The following PCDH17 variants were observed in gnomAD, a reference collection of about 807,000 sequenced individuals.
The protein encoded by PCDH17 is protocadherin 17, also known as protocadherin-17.
PCDH17 carries 21 observed loss-of-function variants against 67.7 expected under a neutral mutation model. The ratio of observed to expected loss-of-function variants is 0.31; its 90% CI spans 0.22 to 0.45. The LOEUF is 0.45. Ranked by LOEUF, PCDH17 falls within the 20% of genes least tolerant of loss-of-function variation. The pLI, the probability that PCDH17 is intolerant of heterozygous loss-of-function variation, is 1.00. For missense variants in PCDH17, 1,471 were observed against 1,564.8 expected (o/e 0.94, Z 1.01); for synonymous variants, 701 against 656.7 (o/e 1.07, Z -1.03).
At chr13:57,674,269 T>TA (rs1270402962) in intron 3 of PCDH17, among the ~76,000 whole-genome samples, 8 of 151,954 alleles carry the variant, frequency 5.3e-5, no homozygotes, top group East Asian at 3.9e-4. Context: ...CATATCAACA[T>TA]AAAAAAGTCC....
intron 3 of PCDH17, among the ~76,000 whole-genome samples, chr13:57,705,437 T>C (rs1417441942): frequency 5.3e-5 from 8 of 152,124 alleles, no homozygotes; most frequent in African/African-American, 1.9e-4. Context: ...ATTAAGTATC[T>C]GACTAAGAAC....
At chr13:57,694,504 G>A (rs1336428915) in intron 3 of PCDH17, among the ~76,000 whole-genome samples, 1 of 150,894 alleles carries the variant, frequency 6.6e-6, no homozygotes, top group African/African-American at 2.4e-5. Context: ...GAAAGTATTA[G>A]GGAACATTCT....
At chr13:57,673,220 T>C (rs1258349729) in intron 3 of PCDH17, among the ~76,000 whole-genome samples, 2 of 152,022 alleles carry the variant, frequency 1.3e-5, no homozygotes, top group East Asian at 2.0e-4. Flanking sequence ...TAAAACTTGT[T>C]TGTGGAGGTC....
rs1593888723 is a variant in PCDH17, at chr13:57,634,621, T to G, written c.2075T>G (p.Val692Gly). The change falls in exon 1 of 4, where the codon GTA becomes GGA. Residue 692 changes from valine (V) to glycine (G), a missense_variant. Transcript: ENST00000377918. This position sits in a 1 kb window ranked among gnomAD's most constrained non-coding sequence, Gnocchi z 7.8. ...GTGAGCGGATCCCTTCCCGAGGGGG[T>G]ACCACGGGTGAATGGCGAGCAGCAC... ...RSVSGSLPEG[V>G]PRVNGEQHHW... 1 of 1,613,052 alleles carries G rather than the reference T, an allele frequency of 6.2e-7. No individual in the cohort carries two copies. The highest frequency in any genetic ancestry group is 8.5e-7 in the Non-Finnish European group (1 of 1,179,936).
At chr13:57,667,519 A>G (rs896185493) in intron 3 of PCDH17, among the ~76,000 whole-genome samples, 6 of 152,048 alleles carry the variant, frequency 3.9e-5, no homozygotes, top group African/African-American at 1.4e-4. Flanking sequence ...AGTAAATTAA[A>G]TTACTCTTAT....
intron 3 of PCDH17, among the ~76,000 whole-genome samples, chr13:57,688,461 T>C (rs1364006649): frequency 6.6e-6 from 1 of 152,058 alleles, no homozygotes; most frequent in African/African-American, 2.4e-5. Context: ...AAAAATTTTA[T>C]TAGAAAAAAA....
At chr13:57,714,076 T>C (rs1055016746) in intron 3 of PCDH17, among the ~76,000 whole-genome samples, 6 of 151,598 alleles carry the variant, frequency 4.0e-5, no homozygotes, top group Non-Finnish European at 7.4e-5. Context: ...ATTAAAATAT[T>C]AAAAACATTC....
At chr13:57,712,540 C>A (rs1955785779) in intron 3 of PCDH17, among the ~76,000 whole-genome samples, 1 of 151,386 alleles carries the variant, frequency 6.6e-6, no homozygotes, top group African/African-American at 2.4e-5. Flanking sequence ...TTTATTTTGG[C>A]TAGATTATGA....
At chr13:57,716,069 G>A (rs957025286) in intron 3 of PCDH17, among the ~76,000 whole-genome samples, 2 of 151,858 alleles carry the variant, frequency 1.3e-5, no homozygotes, top group Non-Finnish European at 1.5e-5. Flanking sequence ...AATCATTCAG[G>A]TCTTGTTGTG....
At chr13:57,706,498 C>T (rs1399763992) in intron 3 of PCDH17, among the ~76,000 whole-genome samples, 1 of 152,102 alleles carries the variant, frequency 6.6e-6, no homozygotes, top group Non-Finnish European at 1.5e-5. Flanking sequence ...TAACAAAGTA[C>T]CACTAACTGG....
intron 3 of PCDH17, among the ~76,000 whole-genome samples, chr13:57,708,365 T>A (rs1257553365): frequency 2.0e-5 from 3 of 152,006 alleles, no homozygotes; most frequent in Non-Finnish European, 2.9e-5. Context: ...TTTTAATATA[T>A]ATTTGGCAAG....
Position 57,634,690 on chromosome 13 carries a change from T to C in PCDH17, c.2144T>C (p.Ile715Thr), listed in dbSNP as rs1210552974. The change falls in exon 1 of 4, where the codon ATC becomes ACC. Residue 715 changes from isoleucine (I) to threonine (T), a missense_variant. Ile to Thr is a moderately conservative substitution (Grantham distance 89). Coordinates refer to ENST00000377918, the MANE Select transcript of PCDH17 (RefSeq NM_001040429.3). The surrounding 1 kb of genome is among the most constrained non-coding windows in gnomAD (Gnocchi z 7.8). ...CCGCTCATCGTGACTCTGAGCACTA[T>C]CTCCATCATCCTCCTAGCGGCCATG... The part of the protein sequence containing the change: ...SLPLIVTLST[I>T]SIILLAAMIT... 4 of 1,613,642 alleles carry C rather than the reference T, an allele frequency of 2.5e-6. No homozygotes were observed. Among genetic ancestry groups the C allele is most frequent in the Non-Finnish European group, 3.4e-6 (4 of 1,179,990 alleles).
At position 57,724,949 on chromosome 13, in the gene PCDH17, G is replaced by A; in HGVS notation, c.3135G>A (p.Glu1045=). 1 of 1,614,154 alleles carries A rather than the reference G, an allele frequency of 6.2e-7. No individual in the cohort carries two copies. The highest frequency in any genetic ancestry group is 8.5e-7 in the Non-Finnish European group (1 of 1,180,022). The change falls in exon 4 of 4, where the codon GAG becomes GAA. Residue 1045 remains glutamate (E), a synonymous_variant. Transcript: ENST00000377918. ...ASSSPTKACI[E]PCTSTKGSLD... is the part of the protein sequence containing the mutation. ...GCAGCCCAACCAAGGCGTGCATCGA[G>A]CCTTGCACCTCAACAAAAGGCTCCC...
upstream of PCDH17, among the ~76,000 whole-genome samples, chr13:57,630,771 C>T (rs1368448507): frequency 6.6e-6 from 1 of 152,118 alleles, no homozygotes; most frequent in African/African-American, 2.4e-5. Flanking sequence ...TCAGAGAAAG[C>T]GTTAGGAAGA....
At chr13:57,715,051 G>A (rs1164131251) in intron 3 of PCDH17, among the ~76,000 whole-genome samples, 1 of 151,718 alleles carries the variant, frequency 6.6e-6, no homozygotes, top group African/African-American at 2.4e-5. Context: ...CTCCAAGTTC[G>A]AGTAGAATAT....
At chr13:57,666,077 T>C (rs755085969) in intron 1 of PCDH17, among the ~76,000 whole-genome samples, 15 of 152,168 alleles carry the variant, frequency 9.9e-5, no homozygotes, top group Non-Finnish European at 2.1e-4. Context: ...GTAGATGATG[T>C]AATTATGTTT....
chr13:57,636,334 A>G (rs1259351764), intron 1 of PCDH17, among the ~76,000 whole-genome samples: 1 of 152,218 alleles, frequency 6.6e-6, no homozygotes, highest in African/African-American at 2.4e-5. Flanking sequence ...TAATTTGTTC[A>G]TAATGTTATG....
At chr13:57,682,129 C>T (rs1955457072) in intron 3 of PCDH17, among the ~76,000 whole-genome samples, 1 of 151,718 alleles carries the variant, frequency 6.6e-6, no homozygotes. Flanking sequence ...TTTATCTTCA[C>T]GTCTATCCCA....
At chr13:57,641,915 CT>C (rs1235660655) in intron 1 of PCDH17, among the ~76,000 whole-genome samples, 2 of 151,418 alleles carry the variant, frequency 1.3e-5, no homozygotes, top group African/African-American at 4.8e-5. Context: ...ATAAATGACA[CT>C]TTAGATGTAA....
Sources: allele counts gnomAD v4.1 joint callset (sites outside exome capture counted in the v4.1 genomes callset), GRCh38; gene constraint gnomAD v4.1.1; non-coding constraint Gnocchi (gnomAD v3.1); transcripts MANE v1.5; gene names NCBI Gene and HGNC (gene_info 2026-07-23, HGNC 2026-07-21).